Variants in GAB1 observed in about 807,000 individuals in gnomAD.
GAB1 encodes the protein GRB2-associated-binding protein 1.
In GAB1, 19 loss-of-function variants were observed where a neutral mutation model predicts 66.5. That is an observed-to-expected ratio of 0.29 (90% confidence interval 0.20 to 0.42). GAB1 has a LOEUF of 0.42. Among genes scored for constraint, GAB1 ranks in the 10% least tolerant of loss-of-function variants. The pLI is 1.00. For synonymous variants in GAB1, 294 were observed against 301.4 expected (o/e 0.98, Z 0.25); for missense variants, 732 against 858.5 (o/e 0.85, Z 1.84).
At chr4:143,371,964 T>C (rs1432915604) in intron 1 of GAB1, among the ~76,000 whole-genome samples, 1 of 152,198 alleles carries the variant, frequency 6.6e-6, no homozygotes, top group Non-Finnish European at 1.5e-5. Flanking sequence ...CATCCAAAAA[T>C]ACAGACTTCC....
At chr4:143,436,374 C>T (rs1733942306) in intron 3 of GAB1, among the ~76,000 whole-genome samples, 1 of 152,158 alleles carries the variant, frequency 6.6e-6, no homozygotes, top group South Asian at 2.1e-4. Context: ...ATAGTTCCCA[C>T]ACCCTGTAGG....
At chr4:143,434,353 CCTTTTTATTTATCTTT>C (rs1482565348) in intron 3 of GAB1, among the ~76,000 whole-genome samples, 1 of 150,134 alleles carries the variant, frequency 6.7e-6, no homozygotes, top group African/African-American at 2.5e-5. Context: ...TTACCCTAAG[CCTTTTTATTTATCTTT>C]TTTTTTTTTT....
chr4:143,370,995 G>A (rs1020101629), intron 1 of GAB1, among the ~76,000 whole-genome samples: 2 of 152,190 alleles, frequency 1.3e-5, no homozygotes, highest in African/African-American at 4.8e-5. Context: ...TGTGAATAGT[G>A]ACGCAATAAA....
chr4:143,449,156 A>C (rs894965528), intron 6 of GAB1, among the ~76,000 whole-genome samples: 1 of 145,752 alleles, frequency 6.9e-6, no homozygotes, highest in African/African-American at 2.7e-5. Context: ...TCTGAGAGAC[A>C]GTTTGTTATA....
chr4:143,456,401 G>C (rs1465356350), intron 6 of GAB1, among the ~76,000 whole-genome samples: 3 of 151,086 alleles, frequency 2.0e-5, no homozygotes, highest in African/African-American at 7.3e-5. Context: ...AGCTTGCGGT[G>C]AGCCAAGATT....
intron 8 of GAB1, among the ~76,000 whole-genome samples, chr4:143,460,852 A>G (rs1272886975): frequency 6.6e-6 from 1 of 152,122 alleles, no homozygotes; most frequent in South Asian, 2.1e-4. Context: ...TTTCAGTTAT[A>G]TGTCATTTAA....
chr4:143,431,685 C>T (rs1733662032), intron 2 of GAB1, among the ~76,000 whole-genome samples: 3 of 152,110 alleles, frequency 2.0e-5, no homozygotes, highest in Non-Finnish European at 4.4e-5. Context: ...AGGATTGAGC[C>T]TGGGCCACCA....
In GAB1 at chr4:143,460,346, GATA is replaced by G; in HGVS notation, c.1680-15_1680-13del. ...TTTTGTCAAGGCTTATGTTTGTGAT[GATA>G]ATTTCTGTAATTAGCTCTTCCAGGT... is the stretch of plus-strand genomic sequence containing the variant. On this transcript the variant is annotated splice_polypyrimidine_tract_variant and intron_variant, in intron 7 of 9. Coordinates refer to ENST00000262994, the MANE Select transcript of GAB1 (RefSeq NM_002039.4). 6.2e-7 allele frequency: 1 copy of G among 1,612,690 alleles called. No individual in the cohort carries two copies. Among genetic ancestry groups the G allele is most frequent in the East Asian group, 2.2e-5 (1 of 44,820 alleles).
chr4:143,346,833 A>G (rs767396125), intron 1 of GAB1, among the ~76,000 whole-genome samples: 1 of 152,244 alleles, frequency 6.6e-6, no homozygotes. Context: ...TGATGCTGTT[A>G]CATAAAACCA....
Position 143,407,488 on chromosome 4 carries a change from A to G in GAB1, c.73-7989A>G, listed in dbSNP as rs1732112446. 2.0e-5 allele frequency among the ~76,000 whole-genome samples: 3 copies of G among 152,116 alleles called. No individual in the cohort carries two copies. In the South Asian group the frequency reaches 6.2e-4, roughly 32 times the overall value. On this transcript the variant is annotated intron_variant, in intron 1 of 9. Coordinates refer to ENST00000262994, the MANE Select transcript of GAB1 (RefSeq NM_002039.4). ...CCAACTAATTTGTTGTATCCAGGCA[A>G]TGTACGTAAACTCTAATATCTTAAG...
intron 1 of GAB1, among the ~76,000 whole-genome samples, chr4:143,351,646 C>G (rs1226981301): frequency 1.3e-5 from 2 of 152,188 alleles, no homozygotes; most frequent in African/African-American, 4.8e-5. Flanking sequence ...CTCTACCAGG[C>G]ACTTCCCTTC....
intron 1 of GAB1, among the ~76,000 whole-genome samples, chr4:143,386,553 A>G (rs1730925526): frequency 6.6e-6 from 1 of 151,884 alleles, no homozygotes; most frequent in South Asian, 2.1e-4. Flanking sequence ...ATGCCCAACT[A>G]ATTTTTTGAT....
chr4:143,368,580 G>A (rs185384028), intron 1 of GAB1, among the ~76,000 whole-genome samples: 2 of 152,174 alleles, frequency 1.3e-5, no homozygotes, highest in East Asian at 3.9e-4. Flanking sequence ...AGTAGTTCTT[G>A]GCAGTAGATT....
chr4:143,414,071 C>T (rs1732548926), intron 1 of GAB1, among the ~76,000 whole-genome samples: 1 of 152,096 alleles, frequency 6.6e-6, no homozygotes, highest in Admixed American at 6.5e-5. Context: ...GATCTGCCCA[C>T]CTCGGCCTCC....
intron 3 of GAB1, chr4:143,434,013 G>A (rs998131862): frequency 4.7e-5 from 39 of 834,732 alleles, no homozygotes; most frequent in Admixed American, 3.9e-4. Flanking sequence ...CAGACTCACA[G>A]TATTACTTGC....
intron 1 of GAB1, among the ~76,000 whole-genome samples, chr4:143,352,205 C>T (rs17017629): frequency 0.1 from 15,572 of 152,196 alleles, 1,502 homozygotes; most frequent in African/African-American, 0.26. Flanking sequence ...CTCTTGGCTG[C>T]AATATCACCA....
chr4:143,444,419 G>A (rs2149765661), intron 6 of GAB1, among the ~76,000 whole-genome samples: 1 of 152,106 alleles, frequency 6.6e-6, no homozygotes, highest in African/African-American at 2.4e-5. Context: ...ACACCACTTT[G>A]GTTAAAGTAC....
At chr4:143,413,935 C>A (rs1046620741) in intron 1 of GAB1, among the ~76,000 whole-genome samples, 2 of 150,144 alleles carry the variant, frequency 1.3e-5, no homozygotes, top group African/African-American at 5.0e-5. Context: ...GATTCTCCTG[C>A]CTCAGCCTCC....
At chr4:143,403,684 G>A (rs972569700) in intron 1 of GAB1, among the ~76,000 whole-genome samples, 1 of 151,964 alleles carries the variant, frequency 6.6e-6, no homozygotes, top group African/African-American at 2.4e-5. Flanking sequence ...TTGCATCAGA[G>A]ATCTTGATTT....
Sources: gnomAD v4.1 joint callset for allele counts (sites outside exome capture counted in the v4.1 genomes callset) on GRCh38, gnomAD v4.1.1 for gene constraint, MANE v1.5 for transcripts, NCBI Gene and HGNC (gene_info 2026-07-23, HGNC 2026-07-21) for gene names.